Variants in PAM observed in about 807,000 individuals in gnomAD.
The protein encoded by PAM is peptidylglycine alpha-amidating monooxygenase.
A neutral mutation model predicts 122.1 loss-of-function variants in PAM; 72 were observed. The ratio of observed to expected loss-of-function variants is 0.59; its 90% CI spans 0.49 to 0.72. PAM has a LOEUF of 0.72. Ranked by LOEUF, PAM falls within the 30% of genes least tolerant of loss-of-function variation. The pLI is 0.00. For synonymous variants in PAM, 389 were observed against 404.4 expected, an observed-to-expected ratio of 0.96 and a Z score of 0.46; for missense variants, 1,106 against 1,183.7, an observed-to-expected ratio of 0.93 and a Z score of 0.96.
intron 7 of PAM, among the ~76,000 whole-genome samples, 158 bp from the exon 8 acceptor site, chr5:102,946,679 C>T (rs1296180952): frequency 6.6e-6 from 1 of 151,156 alleles, no homozygotes; most frequent in Non-Finnish European, 1.5e-5. Flanking sequence ...AAAGGAATTA[C>T]TGGATATGAA....
chr5:102,867,979 C>T (rs1165705440), intron 3 of PAM, among the ~76,000 whole-genome samples: 1 of 152,184 alleles, frequency 6.6e-6, no homozygotes, highest in Non-Finnish European at 1.5e-5. Context: ...ACTTATAGAG[C>T]ATTTTGTGTA....
At chr5:102,828,067 G>A (rs2059066) in intron 1 of PAM, among the ~76,000 whole-genome samples, 3,456 of 152,092 alleles carry the variant, frequency 0.023, 132 homozygotes, top group African/African-American at 0.08. Flanking sequence ...GGCCATGCAC[G>A]GTGGCTGATA....
At chr5:102,959,474 C>T (rs550698637) in intron 12 of PAM, among the ~76,000 whole-genome samples, 1 of 152,090 alleles carries the variant, frequency 6.6e-6, no homozygotes, top group South Asian at 2.1e-4. Context: ...CTGATTTTTA[C>T]CATTGTTAAG....
chr5:102,930,433 G>A (rs1051052377), intron 7 of PAM, among the ~76,000 whole-genome samples: 1 of 152,142 alleles, frequency 6.6e-6, no homozygotes, highest in Admixed American at 6.5e-5. Context: ...GGAGCTCCCA[G>A]GCCAGAGCAG....
intron 1 of PAM, among the ~76,000 whole-genome samples, chr5:102,764,769 C>T (rs1326104609): frequency 6.6e-6 from 1 of 152,206 alleles, no homozygotes; most frequent in Non-Finnish European, 1.5e-5. Context: ...TTTACCACAA[C>T]AGCAAACCGT....
chr5:102,953,661 T>C (rs1045197287), intron 12 of PAM, among the ~76,000 whole-genome samples: 1 of 152,116 alleles, frequency 6.6e-6, no homozygotes, highest in African/African-American at 2.4e-5. Context: ...CTATAGTCAA[T>C]ATAATGCACT....
At chr5:102,828,160 G>A (rs1361726156) in intron 1 of PAM, among the ~76,000 whole-genome samples, 1 of 151,862 alleles carries the variant, frequency 6.6e-6, no homozygotes, top group Non-Finnish European at 1.5e-5. Flanking sequence ...GCAACATGGC[G>A]AGACCCTCTG....
intron 1 of PAM, among the ~76,000 whole-genome samples, chr5:102,811,158 G>GT (rs1242075974): frequency 1.3e-5 from 2 of 152,166 alleles, no homozygotes; most frequent in Non-Finnish European, 2.9e-5. Context: ...ATAACTATTA[G>GT]TTTTCTACTG....
At chr5:102,924,433 C>CA (rs989089756) in intron 5 of PAM, among the ~76,000 whole-genome samples, 5,587 of 51,452 alleles carry the variant, frequency 0.11, 271 homozygotes, top group African/African-American at 0.23. Context: ...AACTCCGTCT[C>CA]AAAAAAAAAA....
At chr5:102,832,978 G>A (rs1302618851) in intron 1 of PAM, among the ~76,000 whole-genome samples, 2 of 152,150 alleles carry the variant, frequency 1.3e-5, no homozygotes, top group East Asian at 1.9e-4. Flanking sequence ...CTGTAAGATG[G>A]AGATAATACT....
chr5:102,808,483 C>T (rs1275718886), intron 1 of PAM, among the ~76,000 whole-genome samples: 1 of 152,168 alleles, frequency 6.6e-6, no homozygotes, highest in Non-Finnish European at 1.5e-5. Context: ...GCTACTCTCC[C>T]TGGTAAACAG....
chr5:102,779,914 T>TACACAC (rs1459772603), intron 1 of PAM, among the ~76,000 whole-genome samples: 6 of 65,506 alleles, frequency 9.2e-5, no homozygotes, highest in Non-Finnish European at 1.6e-4. Flanking sequence ...TATATATATA[T>TACACAC]ATATACACAC....
At chr5:102,968,121 AGACCAG>A (rs1764680927) in intron 14 of PAM, among the ~76,000 whole-genome samples, 1 of 152,214 alleles carries the variant, frequency 6.6e-6, no homozygotes, top group Non-Finnish European at 1.5e-5. Flanking sequence ...TGGACAAGAT[AGACCAG>A]GATATGACAA....
At chr5:102,836,075 C>CA (rs1430187511) in intron 1 of PAM, among the ~76,000 whole-genome samples, 2 of 151,838 alleles carry the variant, frequency 1.3e-5, no homozygotes, top group Admixed American at 6.6e-5. Flanking sequence ...CAGTAAAATG[C>CA]AAAAAAGGCA....
intron 3 of PAM, among the ~76,000 whole-genome samples, chr5:102,875,645 C>T (rs899010106): frequency 5.9e-5 from 9 of 152,138 alleles, no homozygotes; most frequent in Admixed American, 2.6e-4. Flanking sequence ...TTATTCTTGT[C>T]TAAATCTAAA....
In PAM at chr5:102,768,382, A is replaced by G. The variant is rs942871244; in HGVS notation, c.-374+13034A>G. Among the ~76,000 whole-genome samples, 3 of 152,088 alleles carry G rather than the reference A, an allele frequency of 2.0e-5. No individual in the cohort carries two copies. The East Asian group carries it at 5.8e-4, about 29-fold the overall frequency. ...TACATTTTTAGTTATTTTAAAATGT[A>G]TAATTATATTCTCATTGACTACAGT... On this transcript the variant is annotated intron_variant, in intron 1 of 25. Coordinates refer to ENST00000438793, the MANE Select transcript of PAM (RefSeq NM_001177306.2).
chr5:102,770,067 T>A (rs1028820336), intron 1 of PAM, among the ~76,000 whole-genome samples: 8 of 152,136 alleles, frequency 5.3e-5, no homozygotes, highest in Non-Finnish European at 8.8e-5. Flanking sequence ...ATTATAGAGA[T>A]CTTTTACATC....
chr5:103,017,118 A>G (rs933909420), intron 21 of PAM, among the ~76,000 whole-genome samples: 7 of 152,188 alleles, frequency 4.6e-5, no homozygotes, highest in Admixed American at 3.3e-4. Context: ...AGCATTTCCC[A>G]ATGTTTAGAA....
At chr5:102,932,634 T>C (rs1751948865) in intron 7 of PAM, among the ~76,000 whole-genome samples, 2 of 148,882 alleles carry the variant, frequency 1.3e-5, no homozygotes, top group Admixed American at 6.7e-5. Flanking sequence ...TAAGACTCCA[T>C]CTCAAAATAA....
Sources: allele counts gnomAD v4.1 joint callset (sites outside exome capture counted in the v4.1 genomes callset), GRCh38; gene constraint gnomAD v4.1.1; transcripts MANE v1.5; gene names NCBI Gene and HGNC (gene_info 2026-07-23, HGNC 2026-07-21).